FAR2: variants seen among roughly 807,000 people sequenced by gnomAD.
The protein encoded by FAR2 is fatty acyl-CoA reductase 2.
Under a neutral mutation model 56.0 loss-of-function variants are expected in FAR2, and 19 were observed. The ratio of observed to expected loss-of-function variants is 0.34; its 90% CI spans 0.24 to 0.50. FAR2 has a LOEUF of 0.50. FAR2 is among the 20% of genes least tolerant of loss of function. FAR2 has a pLI of 0.98. For missense variants in FAR2, 508 were observed against 642.2 expected (o/e 0.79, Z 2.26); for synonymous variants, 219 against 218.8 (o/e 1.00, Z -0.01).
At chr12:29,174,299 A>T (rs1249213122) in intron 1 of FAR2, among the ~76,000 whole-genome samples, 1 of 148,818 alleles carries the variant, frequency 6.7e-6, no homozygotes, top group African/African-American at 2.5e-5. Context: ...TGGGCAAAAA[A>T]TATGTCTTTC....
At chr12:29,163,244 A>G (rs1374657884) in intron 1 of FAR2, among the ~76,000 whole-genome samples, 1 of 152,194 alleles carries the variant, frequency 6.6e-6, no homozygotes, top group Admixed American at 6.5e-5. Flanking sequence ...TTAGTTTTCT[A>G]TTTGTTAAAT....
chr12:29,262,872 C>G (rs140591399), intron 1 of FAR2, among the ~76,000 whole-genome samples: 196 of 152,212 alleles, frequency 1.3e-3, no homozygotes, highest in African/African-American at 4.6e-3. Context: ...GGTGAAAAAA[C>G]AAGACCTCAT....
chr12:29,181,510 C>A (rs913588242), intron 1 of FAR2, among the ~76,000 whole-genome samples: 1 of 152,210 alleles, frequency 6.6e-6, no homozygotes, highest in East Asian at 1.9e-4. Context: ...CGGAAACTTT[C>A]AGTGCCTCTC....
chr12:29,263,066 A>G (rs1763021144), intron 1 of FAR2, among the ~76,000 whole-genome samples: 1 of 152,216 alleles, frequency 6.6e-6, no homozygotes, highest in South Asian at 2.1e-4. Context: ...GTCATTATAT[A>G]ATGATAAAGA....
chr12:29,181,074 G>A (rs1048580995), intron 1 of FAR2, among the ~76,000 whole-genome samples: 9 of 151,960 alleles, frequency 5.9e-5, no homozygotes, highest in African/African-American at 1.9e-4. Context: ...GCAAAATATA[G>A]AATTGCATGT....
intron 1 of FAR2, among the ~76,000 whole-genome samples, chr12:29,207,573 T>C (rs1406104068): frequency 1.3e-5 from 2 of 152,202 alleles, no homozygotes; most frequent in Non-Finnish European, 2.9e-5. Flanking sequence ...CTTGCTACTA[T>C]GGTTTGTTCT....
intron 4 of FAR2, among the ~76,000 whole-genome samples, chr12:29,306,640 A>T (rs758751449): frequency 6.6e-6 from 1 of 152,240 alleles, no homozygotes; most frequent in Admixed American, 6.5e-5. Flanking sequence ...TAGATCTGTC[A>T]GCTAGAAGAA....
chr12:29,309,930 T>C (rs186934657), intron 6 of FAR2: 1 of 152,352 alleles, frequency 6.6e-6, no homozygotes, highest in African/African-American at 2.4e-5. Context: ...AAATCAGTGA[T>C]CTAAATGAGT....
chr12:29,185,927 A>G (rs931135886), intron 1 of FAR2, among the ~76,000 whole-genome samples: 8 of 152,214 alleles, frequency 5.3e-5, no homozygotes, highest in African/African-American at 1.4e-4. Flanking sequence ...TGATGTTCAC[A>G]TATGATACGA....
chr12:29,265,557 C>T (rs1231234890), intron 1 of FAR2, among the ~76,000 whole-genome samples: 1 of 152,130 alleles, frequency 6.6e-6, no homozygotes, highest in Non-Finnish European at 1.5e-5. Context: ...AATATAAGAT[C>T]TCGAACTATG....
intron 1 of FAR2, among the ~76,000 whole-genome samples, chr12:29,238,087 A>G (rs934053789): frequency 2.0e-5 from 3 of 152,182 alleles, no homozygotes; most frequent in Admixed American, 2.0e-4. Flanking sequence ...TCTACATTGC[A>G]CTGCAGTTTA....
At chr12:29,225,488 A>G (rs999953833) in intron 1 of FAR2, among the ~76,000 whole-genome samples, 2 of 152,214 alleles carry the variant, frequency 1.3e-5, no homozygotes, top group African/African-American at 4.8e-5. Flanking sequence ...CAAAGCTTAC[A>G]GTTACAAGAC....
intron 1 of FAR2, among the ~76,000 whole-genome samples, chr12:29,245,212 C>G (rs1948108315): frequency 1.3e-5 from 2 of 152,258 alleles, no homozygotes; most frequent in South Asian, 4.2e-4. Flanking sequence ...AATCTCTTGA[C>G]CTCGTGATCC....
chr12:29,315,614 A>C (rs562459811), intron 8 of FAR2, among the ~76,000 whole-genome samples: 1 of 152,348 alleles, frequency 6.6e-6, no homozygotes, highest in East Asian at 1.9e-4. Context: ...GAGACACAGA[A>C]GGTGGAAATT....
At chr12:29,168,648 G>A in intron 1 of FAR2, among the ~76,000 whole-genome samples, 1 of 152,212 alleles carries the variant, frequency 6.6e-6, no homozygotes, top group East Asian at 1.9e-4. Context: ...TCCTTCAGAT[G>A]TGTCCAGAGT....
intron 1 of FAR2, among the ~76,000 whole-genome samples, chr12:29,221,764 T>C (rs1377316236): frequency 2.0e-5 from 3 of 152,156 alleles, no homozygotes; most frequent in African/African-American, 7.2e-5. Context: ...CGCTTTAGGG[T>C]CATCCTGAGT....
intron 2 of FAR2, among the ~76,000 whole-genome samples, chr12:29,272,192 G>T (rs1288590359): frequency 6.6e-6 from 1 of 152,152 alleles, no homozygotes; most frequent in Non-Finnish European, 1.5e-5. Context: ...TGCTAGGTTG[G>T]GGAGGTTTTC....
chr12:29,193,886 TCG>T (rs1321632868), intron 1 of FAR2, among the ~76,000 whole-genome samples: 1 of 152,238 alleles, frequency 6.6e-6, no homozygotes, highest in Non-Finnish European at 1.5e-5. Context: ...AGAGTTCCTA[TCG>T]CTCCACATTC....
At chr12:29,191,686 G>A (rs1188532716) in intron 1 of FAR2, among the ~76,000 whole-genome samples, 2 of 152,176 alleles carry the variant, frequency 1.3e-5, no homozygotes, top group Non-Finnish European at 2.9e-5. Flanking sequence ...ATTGCTATGG[G>A]AACTGTAAGT....
Sources: gnomAD v4.1 joint callset for allele counts (sites outside exome capture counted in the v4.1 genomes callset) on GRCh38, gnomAD v4.1.1 for gene constraint, MANE v1.5 for transcripts, NCBI Gene and HGNC (gene_info 2026-07-23, HGNC 2026-07-21) for gene names.